RSRP1: variants seen among roughly 807,000 people sequenced by gnomAD.
RSRP1 encodes the protein arginine/serine-rich protein 1.
RSRP1 carries 37 observed loss-of-function variants against 33.0 expected under a neutral mutation model. The ratio of observed to expected loss-of-function variants is 1.12; its 90% confidence interval spans 0.86 to 1.48. The LOEUF (loss-of-function observed/expected upper bound fraction) is 1.48. RSRP1 is among the 40% of genes most tolerant of loss of function. The pLI is 0.00. For missense variants in RSRP1, 402 were observed against 385.3 expected, an observed-to-expected ratio of 1.04 and a Z score of -0.36; for synonymous variants, 167 against 158.7, an observed-to-expected ratio of 1.05 and a Z score of -0.40.
intron 1 of RSRP1, chr1:25,294,252 A>C: frequency 1.0e-6 from 1 of 991,586 alleles, no homozygotes; most frequent in East Asian, 2.3e-5. Flanking sequence ...TAAAGCTGAA[A>C]ATGCCAAAAG....
intron 1 of RSRP1, among the ~76,000 whole-genome samples, chr1:25,281,603 A>T (rs1187742131): frequency 7.6e-6 from 1 of 131,300 alleles, no homozygotes; most frequent in Non-Finnish European, 1.8e-5. Context: ...CTCCTGAGGG[A>T]ATTTGAGTAA....
intron 1 of RSRP1, among the ~76,000 whole-genome samples, chr1:25,330,922 C>T (rs1162234237): frequency 9.7e-6 from 1 of 103,372 alleles, no homozygotes; most frequent in Non-Finnish European, 2.2e-5. Flanking sequence ...TAGAGCCTGT[C>T]TTCTGCTTTT....
chr1:25,248,286 T>C (rs1015705601), upstream of RSRP1: 6 of 152,050 alleles, frequency 3.9e-5, no homozygotes, highest in Non-Finnish European at 8.8e-5. Flanking sequence ...ACAAATGGGA[T>C]GCATTTCAAA....
chr1:25,320,488 G>A lies in RSRP1; in HGVS notation c.-67+17490C>T, dbSNP rs1644641680. Among the ~76,000 whole-genome samples the A allele has an allele frequency of 2.3e-5, 3 of 132,266 alleles. 1 individual carries two copies. Among genetic ancestry groups the A allele is most frequent in the Admixed American group, 1.5e-4 (2 of 13,532 alleles). The allele number at this position is 132,266 out of a possible 152,430, so 86.8% of individuals were successfully genotyped here. A position where few individuals can be genotyped will look rare whatever the true frequency, so the allele number is the denominator to read the frequency against. On this transcript the variant is annotated intron_variant, in intron 1 of 1. Coordinates refer to the RSRP1 transcript ENST00000561867. ...TTACTGAGTAATTCAAGCTAACTGC[G>A]TCATGCTGGTTGTACCCTGCATGCC...
At chr1:25,333,255 A>G (rs1645040436) in intron 1 of RSRP1, among the ~76,000 whole-genome samples, 1 of 131,604 alleles carries the variant, frequency 7.6e-6, no homozygotes, top group Non-Finnish European at 1.8e-5. Context: ...CTAACAAATA[A>G]TGCCTTTCCA....
chr1:25,249,261 T>C (rs1336024823), upstream of RSRP1, among the ~76,000 whole-genome samples: 4 of 152,088 alleles, frequency 2.6e-5, no homozygotes, highest in Admixed American at 6.6e-5. Flanking sequence ...TGGTTATGAA[T>C]AGGAAAGGAT....
upstream of RSRP1, among the ~76,000 whole-genome samples, chr1:25,251,070 G>A (rs1639763392): frequency 6.6e-6 from 1 of 151,688 alleles, no homozygotes; most frequent in African/African-American, 2.4e-5. Context: ...ATGTGCAAGG[G>A]CAGGGAAAGA....
intron 1 of RSRP1, among the ~76,000 whole-genome samples, chr1:25,303,038 G>C (rs1463705960): frequency 7.6e-6 from 1 of 131,374 alleles, no homozygotes; most frequent in South Asian, 2.3e-4. Flanking sequence ...TAATGAGTGT[G>C]ATGGGTGCCT....
chr1:25,278,968 C>T (rs1375269504), intron 1 of RSRP1, among the ~76,000 whole-genome samples: 1 of 129,254 alleles, frequency 7.7e-6, no homozygotes, highest in East Asian at 2.0e-4. Flanking sequence ...AACCCTAGAG[C>T]CTGGGAGAGT....
Position 25,281,412 on chromosome 1 carries a change from T to C in RSRP1, c.-66-34383A>G, listed in dbSNP as rs1426618461. Reference sequence around the variant, plus strand: ...AAGAATTGCTCTACTCATGGAATCTTCAATAAGTCTGGGCCCTATGCATAT... The same window carrying C: ...AAGAATTGCTCTACTCATGGAATCTCCAATAAGTCTGGGCCCTATGCATAT... On this transcript the variant is annotated intron_variant, in intron 1 of 1. Coordinates refer to the RSRP1 transcript ENST00000561867. Among the ~76,000 whole-genome samples the C allele has an allele frequency of 1.5e-5, 2 of 131,954 alleles. 1 individual carries two copies. Among genetic ancestry groups the C allele is most frequent in the African/African-American group, 5.2e-5 (2 of 38,290 alleles). The allele number at this position is 131,954 out of a possible 152,430, so 86.6% of individuals were successfully genotyped here.
At position 25,314,639 on chromosome 1, in the gene RSRP1, G is replaced by A. The variant is rs183974640; in HGVS notation, c.-67+23339C>T. ...CTCCTGAGTAGCTTAGATTACAGGC[G>A]CATGCCACCATGCCCAGCTAACTTC... On this transcript the variant is annotated intron_variant, in intron 1 of 1. Transcript: ENST00000561867. 1.3e-3 allele frequency among the ~76,000 whole-genome samples: 171 copies of A among 132,122 alleles called. 26 individuals carry two copies. Among genetic ancestry groups the A allele is most frequent in the African/African-American group, 4.0e-3 (155 of 38,940 alleles). 86.7% of individuals were successfully genotyped at this position (132,122 alleles called of 152,430 possible). A position where few individuals can be genotyped will look rare whatever the true frequency, so the allele number is the denominator to read the frequency against.
chr1:25,266,625 C>T (rs1162002710), intron 1 of RSRP1: 1 of 129,310 alleles, frequency 7.7e-6, no homozygotes, highest in East Asian at 1.9e-4. Flanking sequence ...ACAACAGTCA[C>T]CTTGGTTCCC....
intron 3 of RSRP1, chr1:25,244,279 CG>C (rs1427860204): frequency 7.8e-7 from 1 of 1,288,774 alleles, no homozygotes; most frequent in African/African-American, 1.5e-5. Flanking sequence ...GATGCCCCAC[CG>C]TTACAACGTG....
rs572756233 is a variant in RSRP1, at chr1:25,242,805, T to C, written c.757-100A>G. On this transcript the variant is annotated intron_variant, in intron 4 of 4. Coordinates refer to ENST00000243189, the MANE Select transcript of RSRP1 (RefSeq NM_020317.5). ...TAATCCCATGTATGAGCCTTAGAGA[T>C]ATTATCAATTGCTGGGCGCGGTGGC... 2.6e-5 allele frequency: 22 copies of C among 841,530 alleles called. No homozygotes were observed. In the Admixed American group the frequency reaches 4.5e-4, roughly 17 times the overall value. The allele number at this position is 841,530 out of a possible 1,614,324, so 52.1% of individuals were successfully genotyped here.
rs555102768 is a variant in RSRP1, at chr1:25,334,556, G to A, written c.-67+3422C>T. Among the ~76,000 whole-genome samples, 7 of 133,210 alleles carry A rather than the reference G, an allele frequency of 5.3e-5. 1 individual carries two copies. In the South Asian group the frequency reaches 1.6e-3, roughly 30 times the overall value. 87.4% of individuals were successfully genotyped at this position (133,210 alleles called of 152,430 possible). ...GGTGGTGCCCCAGTAGGGACTGTGTGTGGGGTCTCTGACCCCACATTTCCC... is the reference window on the plus strand; with the variant it reads ...GGTGGTGCCCCAGTAGGGACTGTGTATGGGGTCTCTGACCCCACATTTCCC... On this transcript the variant is annotated intron_variant, in intron 1 of 1. Coordinates refer to the RSRP1 transcript ENST00000561867.
chr1:25,286,200 G>T (rs1220638228), intron 1 of RSRP1, among the ~76,000 whole-genome samples: 2 of 135,466 alleles, frequency 1.5e-5, no homozygotes, highest in East Asian at 3.9e-4. Context: ...TTTTTAAAAG[G>T]TTTAGAGGCT....
At chr1:25,276,532 TAA>T (rs557746335) in intron 1 of RSRP1, among the ~76,000 whole-genome samples, 14,709 of 64,750 alleles carry the variant, frequency 0.23, 2,815 homozygotes, top group Admixed American at 0.29. Flanking sequence ...CCCCCATCTC[TAA>T]AAAAAAAAAA....
intron 1 of RSRP1, among the ~76,000 whole-genome samples, chr1:25,271,339 A>T (rs1279681210): frequency 7.7e-6 from 1 of 130,218 alleles, no homozygotes; most frequent in Non-Finnish European, 1.8e-5. Context: ...ACATTTCTGC[A>T]TTCCTCTAGT....
chr1:25,253,227 T>C (rs759868045), intron 1 of RSRP1: 13 of 152,348 alleles, frequency 8.5e-5, no homozygotes, highest in Non-Finnish European at 1.6e-4. Context: ...TTTTGATGAA[T>C]ATGGGCTCGT....
Sources: gnomAD v4.1 joint callset for allele counts (sites outside exome capture counted in the v4.1 genomes callset) on GRCh38, gnomAD v4.1.1 for gene constraint, MANE v1.5 for transcripts, NCBI Gene and HGNC (gene_info 2026-07-23, HGNC 2026-07-21) for gene names.